ADGRV1: variants seen among roughly 807,000 people sequenced by gnomAD.
ADGRV1 encodes G-protein coupled receptor 98.
Under a neutral mutation model 596.2 loss-of-function variants are expected in ADGRV1, and 359 were observed. The ratio of observed to expected loss-of-function variants is 0.60; its 90% CI spans 0.55 to 0.66. The LOEUF (loss-of-function observed/expected upper bound fraction) is 0.66. Ranked by LOEUF, ADGRV1 falls within the 30% of genes least tolerant of loss-of-function variation. ADGRV1 has a pLI of 0.00. For synonymous variants in ADGRV1, 2,681 were observed against 2,679.2 expected (o/e 1.00, Z -0.02); for missense variants, 7,274 against 7,575.6 (o/e 0.96, Z 1.48).
In ADGRV1 at chr5:90,781,504, T is replaced by C. The variant is rs746435446; in HGVS notation, c.13157T>C (p.Val4386Ala). Residue 4386 changes from valine to alanine, a missense_variant, in exon 65 of 90, where the codon GTT becomes GCT. Val to Ala is a moderately conservative substitution (Grantham distance 64). Transcript: ENST00000405460. ...CCTGAAATAGGAAACATCTCCATTGTTCGCATCATAATAATGAAAAATGAT... is the reference window on the plus strand; with the variant it reads ...CCTGAAATAGGAAACATCTCCATTGCTCGCATCATAATAATGAAAAATGAT... Reference protein sequence around the residue: ...QPPEIGNISIVRIIIMKNDNA... With the variant: ...QPPEIGNISIARIIIMKNDNA... 1.2e-6 allele frequency: 2 copies of C among 1,611,298 alleles called. No homozygotes were observed. Among genetic ancestry groups the C allele is most frequent in the Admixed American group, 1.7e-5 (1 of 59,678 alleles).
At chr5:90,776,641 CT>C in intron 61 of ADGRV1, 65 bp downstream of exon 61, 3 of 1,510,298 alleles carry the variant, frequency 2.0e-6, no homozygotes, top group Non-Finnish European at 2.8e-6. Flanking sequence ...AATCATTAGT[CT>C]TAAGTTTATC....
At chr5:90,930,114 C>G (rs1237655811) in intron 83 of ADGRV1, among the ~76,000 whole-genome samples, 1 of 152,076 alleles carries the variant, frequency 6.6e-6, no homozygotes, top group Non-Finnish European at 1.5e-5. Flanking sequence ...TATGATTTGT[C>G]TAGCAAATCT....
chr5:90,624,691 C>A (rs1349985522), intron 5 of ADGRV1, among the ~76,000 whole-genome samples: 1 of 152,122 alleles, frequency 6.6e-6, no homozygotes. Flanking sequence ...ACTGCTAAAT[C>A]TTTAGTACCT....
chr5:91,014,042 T>G (rs574059119), intron 85 of ADGRV1, among the ~76,000 whole-genome samples: 1 of 151,798 alleles, frequency 6.6e-6, no homozygotes, highest in Admixed American at 6.6e-5. Context: ...TTCTGGGCTC[T>G]CTATTTTGTT....
intron 83 of ADGRV1, among the ~76,000 whole-genome samples, chr5:90,884,136 A>G (rs1031349971): frequency 1.8e-4 from 28 of 152,168 alleles, no homozygotes; most frequent in African/African-American, 6.3e-4. Flanking sequence ...CACTGTTGAC[A>G]TTTGGGACCA....
intron 84 of ADGRV1, among the ~76,000 whole-genome samples, chr5:90,980,270 T>TA (rs1779975726): frequency 6.6e-6 from 1 of 152,284 alleles, no homozygotes; most frequent in Admixed American, 6.5e-5. Flanking sequence ...ATTTTTAAGC[T>TA]AAAAAAATTT....
At chr5:90,753,482 A>G (rs1429809612) in intron 53 of ADGRV1, 92 bp from the exon 54 acceptor site, 12 of 866,478 alleles carry the variant, frequency 1.4e-5, no homozygotes, top group Non-Finnish European at 2.1e-5. Context: ...TTTAAGTTAT[A>G]GGTTTAATAA....
intron 45 of ADGRV1, among the ~76,000 whole-genome samples, chr5:90,721,394 C>G (rs1750917531): frequency 1.3e-5 from 2 of 151,750 alleles, no homozygotes; most frequent in Non-Finnish European, 2.9e-5. Context: ...GTCCCAGCTA[C>G]TCGGGAGGCT....
chr5:91,087,938 C>T (rs1333998554), intron 86 of ADGRV1, among the ~76,000 whole-genome samples: 2 of 152,046 alleles, frequency 1.3e-5, no homozygotes, highest in Admixed American at 6.6e-5. Flanking sequence ...ATTTTTTAAC[C>T]TCAGTGCATT....
intron 50 of ADGRV1, among the ~76,000 whole-genome samples, chr5:90,732,606 C>A (rs188842903): frequency 2.0e-5 from 3 of 152,256 alleles, no homozygotes; most frequent in Admixed American, 1.3e-4. Flanking sequence ...TCAAAATCCC[C>A]CATTTCTCTC....
At chr5:90,837,162 A>G (rs763816419) in intron 77 of ADGRV1, among the ~76,000 whole-genome samples, 4 of 152,170 alleles carry the variant, frequency 2.6e-5, no homozygotes, top group Non-Finnish European at 4.4e-5. Context: ...GGTCCTTCCT[A>G]TTTGAGACAA....
rs781056007 is a variant in ADGRV1, at chr5:90,690,855, C to A, written c.6765C>A (p.Asn2255Lys). 1 of 1,609,394 alleles carries A rather than the reference C, an allele frequency of 6.2e-7. No individual in the cohort carries two copies. Among genetic ancestry groups the A allele is most frequent in the East Asian group, 2.2e-5 (1 of 44,752 alleles). Residue 2255 changes from asparagine to lysine, a missense_variant, in exon 31 of 90, where the codon AAC becomes AAA. By Grantham distance (94) the Asn-to-Lys change is moderately conservative. Transcript: ENST00000405460. ...CTGAGTTTAACTCAGTGAAGGTAAA[C>A]CTGCCAATAATTCGAAATTCTGGGA... ...EEPEFNSVKVNLPIIRNSGTL... is the reference protein window; with the variant it reads ...EEPEFNSVKVKLPIIRNSGTL...
chr5:90,717,391 T>TTA (rs1750256482), intron 43 of ADGRV1: 1 of 139,712 alleles, frequency 7.2e-6, no homozygotes. Flanking sequence ...TAAAGTATAA[T>TTA]AAAAAAAAAA....
chr5:90,871,245 A>G (rs1174728946), intron 83 of ADGRV1, among the ~76,000 whole-genome samples: 1 of 152,160 alleles, frequency 6.6e-6, no homozygotes, highest in East Asian at 1.9e-4. Flanking sequence ...TGAAATTTGC[A>G]TATTAAGGTA....
intron 87 of ADGRV1, among the ~76,000 whole-genome samples, chr5:91,140,622 C>T (rs2126842447): frequency 6.6e-6 from 1 of 152,218 alleles, no homozygotes; most frequent in Non-Finnish European, 1.5e-5. Context: ...CACCTCAATA[C>T]CATTTGACCA....
chr5:91,004,433 A>T (rs1295583989), intron 85 of ADGRV1, among the ~76,000 whole-genome samples: 2 of 143,044 alleles, frequency 1.4e-5, no homozygotes, highest in Non-Finnish European at 3.1e-5. Context: ...TCCCGGTCCT[A>T]AAAAAAAAAA....
chr5:90,751,318 T>C (rs1755226334), intron 53 of ADGRV1, among the ~76,000 whole-genome samples: 1 of 152,124 alleles, frequency 6.6e-6, no homozygotes, highest in Admixed American at 6.6e-5. Context: ...GCTAAGCTAT[T>C]GATATCCCCA....
At chr5:90,729,876 T>G in intron 50 of ADGRV1, 112 bp downstream of exon 50, 7 of 1,130,152 alleles carry the variant, frequency 6.2e-6, no homozygotes, top group Non-Finnish European at 8.9e-6. Context: ...GGGTATTTTT[T>G]TTTTTTTGGA....
intron 10 of ADGRV1, among the ~76,000 whole-genome samples, chr5:90,635,531 G>T (rs1281367852): frequency 6.6e-6 from 1 of 152,044 alleles, no homozygotes; most frequent in Non-Finnish European, 1.5e-5. Context: ...CGGATATTTT[G>T]ATGTGACAGC....
Sources: allele counts gnomAD v4.1 joint callset (sites outside exome capture counted in the v4.1 genomes callset), GRCh38; gene constraint gnomAD v4.1.1; transcripts MANE v1.5; gene names NCBI Gene and HGNC (gene_info 2026-07-23, HGNC 2026-07-21).